The following SORCS1 variants were observed in gnomAD, a reference collection of about 807,000 sequenced individuals.
The protein encoded by SORCS1 is VPS10 domain-containing receptor SorCS1.
A neutral mutation model predicts 146.1 loss-of-function variants in SORCS1; 60 were observed. The observed-to-expected ratio is 0.41, with a 90% confidence interval of 0.33 to 0.51. SORCS1 has a LOEUF of 0.51. SORCS1 is among the 20% of genes least tolerant of loss of function. The probability of loss-of-function intolerance (pLI) is 0.21; values close to 1 mark genes in which losing one functional copy is unlikely to be tolerated. For synonymous variants in SORCS1, 637 were observed against 584.0 expected (o/e 1.09, Z -1.31); for missense variants, 1,352 against 1,487.6 (o/e 0.91, Z 1.50).
At chr10:106,662,035 C>G (rs1401882453) in intron 17 of SORCS1, among the ~76,000 whole-genome samples, 6 of 152,230 alleles carry the variant, frequency 3.9e-5, no homozygotes, top group African/African-American at 1.2e-4. Flanking sequence ...TTACAGCCAC[C>G]TGGAGGGACA....
At chr10:107,009,160 T>G (rs1957582333) in intron 1 of SORCS1, among the ~76,000 whole-genome samples, 1 of 152,192 alleles carries the variant, frequency 6.6e-6, no homozygotes, top group Non-Finnish European at 1.5e-5. Context: ...TTCAAATACA[T>G]GATCAAGTAT....
intron 14 of SORCS1, 151 bp downstream of exon 14, chr10:106,674,898 C>T (rs1399901081): frequency 4.0e-6 from 2 of 502,986 alleles, no homozygotes; most frequent in Non-Finnish European, 6.8e-6. Flanking sequence ...TAGCTGCCCA[C>T]ATTTTTCTTC....
chr10:106,958,717 G>A (rs1955082121), intron 1 of SORCS1, among the ~76,000 whole-genome samples: 1 of 152,124 alleles, frequency 6.6e-6, no homozygotes, highest in South Asian at 2.1e-4. Context: ...GTGAGGTGCG[G>A]GGCACCCCAT....
At chr10:107,046,078 C>A (rs981083745) in intron 1 of SORCS1, among the ~76,000 whole-genome samples, 6 of 152,040 alleles carry the variant, frequency 3.9e-5, no homozygotes, top group Non-Finnish European at 8.8e-5. Flanking sequence ...TCCTGAGTAG[C>A]TGGGACTACA....
intron 17 of SORCS1, among the ~76,000 whole-genome samples, chr10:106,662,247 C>T (rs1850786385): frequency 6.6e-6 from 1 of 152,178 alleles, no homozygotes; most frequent in Non-Finnish European, 1.5e-5. Flanking sequence ...AACCTGAGAA[C>T]ACTGCCATAT....
rs532854970 is a variant in SORCS1 at position 107,066,658 on chromosome 10, G to A, written c.558+97311C>T. 7.2e-5 allele frequency among the ~76,000 whole-genome samples: 11 copies of A among 152,204 alleles called. No homozygotes were observed. In the East Asian group the frequency reaches 2.1e-3, roughly 29 times the overall value. ...AGATTCAAATGTATACTTTGTTGTAGTAATTTAATCATTTCTATTATTTTT... is the reference window on the plus strand; with the variant it reads ...AGATTCAAATGTATACTTTGTTGTAATAATTTAATCATTTCTATTATTTTT... On this transcript the variant is annotated intron_variant, in intron 1 of 25. Transcript: ENST00000263054.
At chr10:107,139,930 T>C (rs1005916048) in intron 1 of SORCS1, among the ~76,000 whole-genome samples, 10 of 152,172 alleles carry the variant, frequency 6.6e-5, no homozygotes, top group Non-Finnish European at 5.9e-5. Flanking sequence ...AATTGAGATG[T>C]AGAGTGTTTA....
At chr10:106,773,148 A>G (rs1860156140) in intron 4 of SORCS1, among the ~76,000 whole-genome samples, 1 of 152,250 alleles carries the variant, frequency 6.6e-6, no homozygotes, top group Non-Finnish European at 1.5e-5. Flanking sequence ...CAGAGATAAT[A>G]CTAAGTAAGA....
At chr10:106,730,445 C>G (rs78736723) in intron 5 of SORCS1, among the ~76,000 whole-genome samples, 2,690 of 152,302 alleles carry the variant, frequency 0.018, 84 homozygotes, top group African/African-American at 0.062. Flanking sequence ...ACTTTCAAAA[C>G]TTATTAGGCA....
At chr10:106,943,624 T>C (rs1256237119) in intron 2 of SORCS1, among the ~76,000 whole-genome samples, 1 of 150,354 alleles carries the variant, frequency 6.7e-6, no homozygotes, top group East Asian at 1.9e-4. Flanking sequence ...CGGCTAACAC[T>C]GTGAAACCCC....
At chr10:106,788,848 AGTGC>A (rs1946182592) in intron 3 of SORCS1, among the ~76,000 whole-genome samples, 1 of 152,216 alleles carries the variant, frequency 6.6e-6, no homozygotes, top group South Asian at 2.1e-4. Context: ...ACCAATAGGC[AGTGC>A]CCCAGTGGGC....
At chr10:107,136,215 G>A (rs1261841016) in intron 1 of SORCS1, among the ~76,000 whole-genome samples, 1 of 152,122 alleles carries the variant, frequency 6.6e-6, no homozygotes, top group African/African-American at 2.4e-5. Flanking sequence ...AACTTAGGAG[G>A]ACGTTTTTCA....
chr10:106,859,813 C>T (rs569740228), intron 2 of SORCS1, among the ~76,000 whole-genome samples: 1 of 152,272 alleles, frequency 6.6e-6, no homozygotes, highest in East Asian at 1.9e-4. Context: ...CCATGTATTA[C>T]ATTTACATGC....
At chr10:106,863,468 T>C (rs1273585630) in intron 2 of SORCS1, among the ~76,000 whole-genome samples, 1 of 147,614 alleles carries the variant, frequency 6.8e-6, no homozygotes, top group Non-Finnish European at 1.5e-5. Context: ...GAGGTTGCAG[T>C]AAGCTGAGAT....
At chr10:106,585,096 C>T (rs1845145329) in intron 24 of SORCS1, among the ~76,000 whole-genome samples, 1 of 151,784 alleles carries the variant, frequency 6.6e-6, no homozygotes, top group Admixed American at 6.6e-5. Flanking sequence ...TGGTGGCAGG[C>T]ACCTGTAGTC....
intron 1 of SORCS1, among the ~76,000 whole-genome samples, chr10:107,035,864 A>G (rs1468099460): frequency 1.3e-5 from 2 of 151,290 alleles, no homozygotes; most frequent in African/African-American, 2.4e-5. Flanking sequence ...CCTTATAAGT[A>G]TAGTTCCCAT....
intron 3 of SORCS1, among the ~76,000 whole-genome samples, chr10:106,783,775 T>G (rs1328189561): frequency 6.6e-6 from 1 of 152,208 alleles, no homozygotes; most frequent in African/African-American, 2.4e-5. Flanking sequence ...TCCAGCATGA[T>G]TCTTCCGTAG....
At chr10:106,715,251 G>T (rs748571523) in intron 6 of SORCS1, among the ~76,000 whole-genome samples, 1 of 152,206 alleles carries the variant, frequency 6.6e-6, no homozygotes, top group Non-Finnish European at 1.5e-5. Context: ...GTCAATTAAT[G>T]CATGCAACTG....
At chr10:107,028,358 T>G (rs1958498117) in intron 1 of SORCS1, among the ~76,000 whole-genome samples, 1 of 152,226 alleles carries the variant, frequency 6.6e-6, no homozygotes, top group African/African-American at 2.4e-5. Context: ...CAAACACACT[T>G]GGGTTAGACT....
Sources: gnomAD v4.1 joint callset for allele counts (sites outside exome capture counted in the v4.1 genomes callset) on GRCh38, gnomAD v4.1.1 for gene constraint, MANE v1.5 for transcripts, NCBI Gene and HGNC (gene_info 2026-07-23, HGNC 2026-07-21) for gene names.